NBPF20: variants seen among roughly 807,000 people sequenced by gnomAD.
NBPF20 encodes the protein NBPF family member NBPF20.
NBPF20 carries 90 observed loss-of-function variants against 68.1 expected under a neutral mutation model. That is an observed-to-expected ratio of 1.32 (90% confidence interval 1.11 to 1.58). The LOEUF is 1.58. NBPF20 is among the 40% of genes most tolerant of loss of function. NBPF20 has a pLI of 0.00. For missense variants in NBPF20, 816 were observed against 601.2 expected (o/e 1.36, Z -3.74); for synonymous variants, 290 against 228.1 (o/e 1.27, Z -2.45).
intron 28 of NBPF20, 128 bp from the exon 34 acceptor site, chr1:145,378,222 G>T: frequency 1.7e-5 from 1 of 57,144 alleles, no homozygotes; most frequent in Non-Finnish European, 2.9e-5. Flanking sequence ...GTGAGAGATA[G>T]TCTTCAGGAG....
the NBPF20 span, among the ~76,000 whole-genome samples, chr1:145,425,562 G>T: frequency 2.6e-5 from 4 of 152,180 alleles, no homozygotes; most frequent in East Asian, 1.9e-4. Context: ...CCAGCCCATA[G>T]CCTGCGGCCA....
At chr1:145,402,500 C>T (rs1244666594) in intron 3 of NBPF20, 119 bp from the exon 9 acceptor site, 1 of 1,024,802 alleles carries the variant, frequency 9.8e-7, no homozygotes, top group South Asian at 1.3e-5. Context: ...AAGGTCAGCA[C>T]ATGTTTAAAG....
At chr1:145,419,821 A>T in the NBPF20 span, among the ~76,000 whole-genome samples, 1 of 151,988 alleles carries the variant, frequency 6.6e-6, no homozygotes, top group African/African-American at 2.4e-5. Context: ...CCTAATAGTC[A>T]CCCCATGAAT....
intron 2 of NBPF20, among the ~76,000 whole-genome samples, chr1:145,404,865 A>G (rs2101589271): frequency 6.7e-6 from 1 of 150,340 alleles, no homozygotes; most frequent in East Asian, 1.9e-4. Flanking sequence ...CTGTGTTAGA[A>G]ATCAATAAAT....
intron 29 of NBPF20, 133 bp downstream of exon 34, chr1:145,377,910 A>T: frequency 2.9e-6 from 1 of 344,946 alleles, no homozygotes; most frequent in Non-Finnish European, 5.2e-6. Flanking sequence ...TGCAATGAAA[A>T]CCAACAGCAA....
intron 2 of NBPF20, among the ~76,000 whole-genome samples, chr1:145,404,765 C>G (rs1162687532): frequency 2.0e-4 from 30 of 151,934 alleles, no homozygotes; most frequent in African/African-American, 5.1e-4. Context: ...CAACAGACTA[C>G]ATGTTATTTG....
At chr1:145,307,208 T>C (rs1400923027) in intron 118 of NBPF20, among the ~76,000 whole-genome samples, 247 of 28,600 alleles carry the variant, frequency 8.6e-3, no homozygotes, top group African/African-American at 0.019. Flanking sequence ...TCTGTGAATT[T>C]TTTACATCTG....
chr1:145,411,387 CTTTTTTTTTT>C, the NBPF20 span, among the ~76,000 whole-genome samples: 33 of 106,168 alleles, frequency 3.1e-4, no homozygotes, highest in African/African-American at 5.0e-4. Flanking sequence ...GTTGACTTTC[CTTTTTTTTTT>C]TTTTTTTTTT....
chr1:145,404,377 G>C (rs1189897559), intron 2 of NBPF20, among the ~76,000 whole-genome samples: 3 of 151,966 alleles, frequency 2.0e-5, no homozygotes, highest in African/African-American at 7.3e-5. Context: ...TTCTGCCTCA[G>C]CCACCCGATT....
intron 6 of NBPF20, 131 bp downstream of exon 11, chr1:145,400,257 AG>A: frequency 1.3e-6 from 2 of 1,583,032 alleles, no homozygotes; most frequent in Non-Finnish European, 1.7e-6. Context: ...GGACAAAAAA[AG>A]TCCCTGATAT....
upstream of NBPF20, among the ~76,000 whole-genome samples, chr1:145,410,317 CTTT>C (rs782521148): frequency 2.8e-4 from 40 of 142,268 alleles, no homozygotes; most frequent in African/African-American, 3.6e-4. Context: ...CATGTATCTT[CTTT>C]TTTTTTTTTT....
chr1:145,401,264 T>C (rs2101573840), intron 4 of NBPF20, 133 bp from the exon 10 acceptor site: 1 of 757,042 alleles, frequency 1.3e-6, no homozygotes, highest in African/African-American at 1.8e-5. Context: ...ATGTTTTATC[T>C]TTAACAGAAT....
the NBPF20 span, among the ~76,000 whole-genome samples, chr1:145,424,967 G>A: frequency 6.6e-6 from 1 of 152,188 alleles, no homozygotes; most frequent in African/African-American, 2.4e-5. Flanking sequence ...CCAGGGGCGC[G>A]AGTGGTCTCG....
intron 6 of NBPF20, 152 bp downstream of exon 11, chr1:145,400,237 T>C (rs1292592605): frequency 1.5e-5 from 22 of 1,478,284 alleles, no homozygotes; most frequent in African/African-American, 2.8e-5. Context: ...GTCATGACAT[T>C]AGCTGAGAAG....
exon 138 of NBPF20, chr1:145,291,729 A>C: frequency 6.2e-7 from 1 of 1,611,996 alleles, no homozygotes; most frequent in Non-Finnish European, 8.5e-7. Context: ...GAGTCCTGTA[A>C]GACTTCAGGC....
In NBPF20 at chr1:145,400,385, C is replaced by T. The variant is rs1553664988; in HGVS notation, c.775+1G>A. On this transcript the variant is annotated splice_donor_variant, in intron 6 of 137. Transcript: ENST00000369373. LOFTEE classifies it high-confidence loss of function. ...GTATGAGACACAAGGAAAACAGAGG[C>T]TACCTGGAATAATGTGTACAGCATC... 1 of 1,612,510 alleles carries T rather than the reference C, an allele frequency of 6.2e-7. No homozygotes were observed. Among genetic ancestry groups the T allele is most frequent in the African/African-American group, 1.3e-5 (1 of 74,870 alleles).
intron 137 of NBPF20, among the ~76,000 whole-genome samples, chr1:145,292,138 T>A (rs1553658004): frequency 6.7e-6 from 1 of 149,758 alleles, no homozygotes. Context: ...TGCTCAAAAT[T>A]CGATGCAGTG....
intron 2 of NBPF20, among the ~76,000 whole-genome samples, chr1:145,404,874 A>C (rs1190447992): frequency 0.045 from 6,273 of 140,512 alleles, 425 homozygotes; most frequent in African/African-American, 0.15. Context: ...AAATCAATAA[A>C]TGGCAGTTTA....
chr1:145,404,839 A>T (rs1662691794), intron 2 of NBPF20, among the ~76,000 whole-genome samples: 1 of 150,736 alleles, frequency 6.6e-6, no homozygotes, highest in Non-Finnish European at 1.5e-5. Context: ...CTTGGAGAAA[A>T]CAGGTCGTTC....
Sources: allele counts gnomAD v4.1 joint callset (sites outside exome capture counted in the v4.1 genomes callset), GRCh38; gene constraint gnomAD v4.1.1; transcripts MANE v1.5; gene names NCBI Gene and HGNC (gene_info 2026-07-23, HGNC 2026-07-21).